The following PTPN5 variants were observed in gnomAD, a reference collection of about 807,000 sequenced individuals.
PTPN5 encodes the protein tyrosine-protein phosphatase non-receptor type 5.
A neutral mutation model predicts 73.9 loss-of-function variants in PTPN5; 29 were observed. That is an observed-to-expected ratio of 0.39 (90% confidence interval 0.29 to 0.54). The LOEUF (loss-of-function observed/expected upper bound fraction) is 0.54, where lower values mean the gene tolerates loss of function less well. Among genes scored for constraint, PTPN5 ranks in the 20% least tolerant of loss-of-function variants. The pLI is 0.65. For missense variants in PTPN5, 652 were observed against 751.4 expected, an observed-to-expected ratio of 0.87 and a Z score of 1.55; for synonymous variants, 267 against 304.7, an observed-to-expected ratio of 0.88 and a Z score of 1.29.
At chr11:18,745,542 C>T (rs1010576936) in intron 3 of PTPN5, among the ~76,000 whole-genome samples, 15 of 152,178 alleles carry the variant, frequency 9.9e-5, no homozygotes, top group Admixed American at 3.3e-4. Context: ...CTGTTCCCCT[C>T]CCCTGCCTCC....
At position 18,737,830 on chromosome 11, in the gene PTPN5, C is replaced by G. The variant is rs1470033460; in HGVS notation, c.1000+50G>C. 4 of 1,513,628 alleles carry G rather than the reference C, an allele frequency of 2.6e-6. No homozygotes were observed. In the African/African-American group the frequency reaches 4.1e-5, roughly 16 times the overall value. 93.8% of individuals were successfully genotyped at this position (1,513,628 alleles called of 1,614,324 possible). On this transcript the variant is annotated intron_variant, in intron 9 of 14. Transcript: ENST00000358540. ...GGTCCTCCTCAGGGTGAGGGGATCCCCAGGTGAAGCTGAGCCTGCCCCCAT... is the reference window on the plus strand; with the variant it reads ...GGTCCTCCTCAGGGTGAGGGGATCCGCAGGTGAAGCTGAGCCTGCCCCCAT...
chr11:18,784,783 T>C (rs1239315952), intron 1 of PTPN5, among the ~76,000 whole-genome samples: 1 of 152,050 alleles, frequency 6.6e-6, no homozygotes, highest in African/African-American at 2.4e-5. Context: ...TCTGTGACCT[T>C]GACCCCCTGG....
chr11:18,747,923 A>G (rs1284363090), intron 3 of PTPN5, among the ~76,000 whole-genome samples: 2 of 152,228 alleles, frequency 1.3e-5, no homozygotes, highest in Non-Finnish European at 2.9e-5. Context: ...TACACAGTAA[A>G]TGGGAAGACT....
rs1849427949 is a variant in PTPN5, at chr11:18,742,747, C to G, written c.484-244G>C. Among the ~76,000 whole-genome samples the G allele has an allele frequency of 6.6e-6, 1 of 152,170 alleles. No individual in the cohort carries two copies. The highest frequency in any genetic ancestry group is 2.4e-5 in the African/African-American group (1 of 41,434). On this transcript the variant is annotated intron_variant, in intron 6 of 14. Coordinates refer to ENST00000358540, the MANE Select transcript of PTPN5 (RefSeq NM_006906.2). This position sits in a 1 kb window ranked among gnomAD's most constrained non-coding sequence, Gnocchi z 4.1. ...GTGGCTTCAGGCCTTCTCAGTGGGG[C>G]TTGGGAGTTCCTACACCAGTCTTCT...
At chr11:18,737,991 G>A in intron 8 of PTPN5, 27 bp from the exon 9 acceptor site, 1 of 1,577,268 alleles carries the variant, frequency 6.3e-7, no homozygotes, top group Non-Finnish European at 8.7e-7. Flanking sequence ...CGGGGTGTGA[G>A]CAGCTATGGG....
intron 3 of PTPN5, among the ~76,000 whole-genome samples, chr11:18,760,931 A>C (rs1324009071): frequency 6.6e-6 from 1 of 152,238 alleles, no homozygotes; most frequent in Non-Finnish European, 1.5e-5. Flanking sequence ...TGAAGCCTGC[A>C]TGGGTCTCTT....
chr11:18,767,998 A>G (rs1237134530), intron 2 of PTPN5, among the ~76,000 whole-genome samples: 1 of 152,186 alleles, frequency 6.6e-6, no homozygotes, highest in Non-Finnish European at 1.5e-5. Context: ...ATTATTCAAC[A>G]TCTGTCTCCA....
At chr11:18,778,749 CCT>C (rs1157694292) in intron 1 of PTPN5, among the ~76,000 whole-genome samples, 21 of 152,164 alleles carry the variant, frequency 1.4e-4, no homozygotes, top group African/African-American at 5.1e-4. Context: ...GCCAATTAAA[CCT>C]CTTTTCTTTA....
At chr11:18,781,968 G>T (rs1430459355) in intron 1 of PTPN5, among the ~76,000 whole-genome samples, 4 of 152,188 alleles carry the variant, frequency 2.6e-5, no homozygotes, top group African/African-American at 4.8e-5. Context: ...CAGGGCAAAG[G>T]CCCGGAGAGG....
At chr11:18,788,339 C>T (rs2134378995) in intron 1 of PTPN5, among the ~76,000 whole-genome samples, 1 of 152,168 alleles carries the variant, frequency 6.6e-6, no homozygotes, top group South Asian at 2.1e-4. Context: ...ATGTTTCTCC[C>T]CCACTCAAAA....
intron 3 of PTPN5, among the ~76,000 whole-genome samples, chr11:18,759,182 G>A (rs554720189): frequency 3.9e-5 from 6 of 152,240 alleles, no homozygotes; most frequent in African/African-American, 1.4e-4. Flanking sequence ...AGGAAAAAAA[G>A]GTTTTTTTTC....
intron 3 of PTPN5, among the ~76,000 whole-genome samples, chr11:18,763,550 G>A (rs1365932669): frequency 6.6e-6 from 1 of 152,220 alleles, no homozygotes; most frequent in Non-Finnish European, 1.5e-5. Context: ...GGAGAAATGG[G>A]AGAGAACATT....
chr11:18,787,781 A>G lies in PTPN5; in HGVS notation c.-114+3744T>C, dbSNP rs992445177. On this transcript the variant is annotated intron_variant, in intron 1 of 14. Coordinates refer to ENST00000358540, the MANE Select transcript of PTPN5 (RefSeq NM_006906.2). ...TCTCCAAAGCACTGCTCACCACCTG[A>G]ACAATTTTATCTTCTGTCTCCCCTG... Among the ~76,000 whole-genome samples, 66 of 152,268 alleles carry G rather than the reference A, an allele frequency of 4.3e-4. 1 individual carries two copies. Among genetic ancestry groups the G allele is most frequent in the African/African-American group, 1.3e-3 (55 of 41,552 alleles).
intron 1 of PTPN5, among the ~76,000 whole-genome samples, chr11:18,772,926 G>A (rs948735713): frequency 6.6e-6 from 1 of 152,034 alleles, no homozygotes; most frequent in African/African-American, 2.4e-5. Flanking sequence ...AGAGGACTCA[G>A]GAGACGTTTG....
intron 3 of PTPN5, among the ~76,000 whole-genome samples, chr11:18,744,706 A>G (rs1455078309): frequency 1.3e-5 from 2 of 152,022 alleles, no homozygotes; most frequent in Non-Finnish European, 2.9e-5. Flanking sequence ...ACCCCATCTC[A>G]AGACTCCCTG....
At chr11:18,790,256 AG>A (rs964266736) in intron 1 of PTPN5, among the ~76,000 whole-genome samples, 1 of 152,016 alleles carries the variant, frequency 6.6e-6, no homozygotes, top group African/African-American at 2.4e-5. Flanking sequence ...GCCCTTAACG[AG>A]CCCCAAGGAG....
At chr11:18,745,522 C>T (rs1419493857) in intron 3 of PTPN5, among the ~76,000 whole-genome samples, 1 of 152,136 alleles carries the variant, frequency 6.6e-6, no homozygotes, top group African/African-American at 2.4e-5. Flanking sequence ...TGGAACATCC[C>T]TCCAACACTC....
chr11:18,746,253 G>A (rs1354466250), intron 3 of PTPN5, among the ~76,000 whole-genome samples: 2 of 142,536 alleles, frequency 1.4e-5, no homozygotes, highest in African/African-American at 5.2e-5. Context: ...GTGCAGTGGT[G>A]CAATCTTGGC....
intron 1 of PTPN5, among the ~76,000 whole-genome samples, chr11:18,790,792 A>G (rs1851882646): frequency 6.6e-6 from 1 of 152,130 alleles, no homozygotes; most frequent in South Asian, 2.1e-4. Flanking sequence ...GATTCTAATG[A>G]AAGCTTTACC....
Sources: allele counts gnomAD v4.1 joint callset (sites outside exome capture counted in the v4.1 genomes callset), GRCh38; gene constraint gnomAD v4.1.1; non-coding constraint Gnocchi (gnomAD v3.1); transcripts MANE v1.5; gene names NCBI Gene and HGNC (gene_info 2026-07-23, HGNC 2026-07-21).